The following ST6GAL2 variants were observed in gnomAD, a reference collection of about 807,000 sequenced individuals.
ST6GAL2 encodes the protein ST6 beta-galactoside alpha-2,6-sialyltransferase 2, also known as beta-galactoside alpha-2,6-sialyltransferase 2.
ST6GAL2 carries 24 observed loss-of-function variants against 37.5 expected under a neutral mutation model. That is an observed-to-expected ratio of 0.64 (90% CI 0.46 to 0.90). The LOEUF (loss-of-function observed/expected upper bound fraction) is 0.90. ST6GAL2 is among the 40% of genes least tolerant of loss of function. The pLI is 0.00. For missense variants in ST6GAL2, 715 were observed against 712.7 expected, an observed-to-expected ratio of 1.00 and a Z score of -0.04; for synonymous variants, 306 against 295.1, an observed-to-expected ratio of 1.04 and a Z score of -0.38.
intron 1 of ST6GAL2, among the ~76,000 whole-genome samples, chr2:106,869,948 C>T (rs1297481721): frequency 1.3e-5 from 2 of 152,184 alleles, no homozygotes; most frequent in Admixed American, 6.5e-5. Context: ...GTGGAGACTG[C>T]GATGAGGCTA....
intron 5 of ST6GAL2, among the ~76,000 whole-genome samples, chr2:106,809,177 T>C (rs150583570): frequency 2.8e-4 from 43 of 152,372 alleles, no homozygotes; most frequent in Non-Finnish European, 3.8e-4. Flanking sequence ...CTGCCCAGCA[T>C]TGGGGGCTCC....
At chr2:106,884,351 T>G (rs1678872785) in intron 1 of ST6GAL2, among the ~76,000 whole-genome samples, 1 of 152,208 alleles carries the variant, frequency 6.6e-6, no homozygotes, top group Non-Finnish European at 1.5e-5. Flanking sequence ...AAATGTTAAA[T>G]TGTCTCAACT....
chr2:106,824,621 G>C (rs1268324399), intron 5 of ST6GAL2, among the ~76,000 whole-genome samples: 1 of 152,172 alleles, frequency 6.6e-6, no homozygotes, highest in Non-Finnish European at 1.5e-5. Context: ...GACAGAGTGA[G>C]AGTCCGTCTC....
At chr2:106,867,309 G>A (rs1168103392) in intron 1 of ST6GAL2, among the ~76,000 whole-genome samples, 1 of 152,116 alleles carries the variant, frequency 6.6e-6, no homozygotes, top group African/African-American at 2.4e-5. Flanking sequence ...TAAACAACAC[G>A]GCTCTTCAGT....
intron 1 of ST6GAL2, among the ~76,000 whole-genome samples, chr2:106,875,971 C>A (rs556725455): frequency 6.6e-6 from 1 of 152,178 alleles, no homozygotes; most frequent in Admixed American, 6.5e-5. Context: ...TAGTAGATTT[C>A]TTTTTTTGTA....
At chr2:106,828,592 C>T (rs1676292617) in intron 5 of ST6GAL2, among the ~76,000 whole-genome samples, 1 of 152,144 alleles carries the variant, frequency 6.6e-6, no homozygotes, top group African/African-American at 2.4e-5. Context: ...CTAAAATCTG[C>T]AAGCTTCAAT....
chr2:106,835,402 C>T (rs1337562424), intron 2 of ST6GAL2, among the ~76,000 whole-genome samples: 1 of 152,320 alleles, frequency 6.6e-6, no homozygotes, highest in South Asian at 2.1e-4. Flanking sequence ...CAGAAACTCA[C>T]CATGCATGCC....
chr2:106,870,116 A>C (rs1678203175), intron 1 of ST6GAL2, among the ~76,000 whole-genome samples: 1 of 152,146 alleles, frequency 6.6e-6, no homozygotes, highest in Admixed American at 6.5e-5. Context: ...GGGGCGCTAC[A>C]GTCTGCTGCT....
At chr2:106,813,719 C>G (rs1175087193) in intron 5 of ST6GAL2, among the ~76,000 whole-genome samples, 2 of 152,152 alleles carry the variant, frequency 1.3e-5, no homozygotes, top group Non-Finnish European at 1.5e-5. Context: ...AAAATGAGCT[C>G]TGGATATAAA....
intron 3 of ST6GAL2, 126 bp downstream of exon 3, chr2:106,833,923 A>G (rs1375804792): frequency 1.3e-5 from 8 of 592,744 alleles, no homozygotes; most frequent in Non-Finnish European, 2.4e-5. Flanking sequence ...GATAGAAATA[A>G]ACAAGTACCA....
intron 1 of ST6GAL2, among the ~76,000 whole-genome samples, chr2:106,873,771 T>C (rs1678379859): frequency 6.6e-6 from 1 of 152,218 alleles, no homozygotes; most frequent in South Asian, 2.1e-4. Context: ...TTTCCTAACA[T>C]TGCTAGTAAA....
chr2:106,802,465 G>T lies in ST6GAL2; in HGVS notation c.*4213C>A, dbSNP rs555024185. 6.6e-6 allele frequency: 1 copy of T among 151,954 alleles called. No individual in the cohort carries two copies. 9.4% of individuals were successfully genotyped at this position (151,954 alleles called of 1,614,324 possible). On this transcript the variant is annotated 3_prime_UTR_variant, in exon 6 of 6. Transcript: ENST00000409382. ...ACATTACTTTTTTTTTAACCAAAAGGCTTCATTCATTTAATAAAACAAGAA... is the reference window on the plus strand; with the variant it reads ...ACATTACTTTTTTTTTAACCAAAAGTCTTCATTCATTTAATAAAACAAGAA...
chr2:106,812,941 C>A, intron 5 of ST6GAL2: 1 of 852,836 alleles, frequency 1.2e-6, no homozygotes, highest in Non-Finnish European at 1.5e-6. Flanking sequence ...AAAAAATTAA[C>A]AACTTTATCA....
At chr2:106,864,198 CT>C (rs1677927404) in intron 1 of ST6GAL2, among the ~76,000 whole-genome samples, 1 of 152,190 alleles carries the variant, frequency 6.6e-6, no homozygotes, top group Non-Finnish European at 1.5e-5. Flanking sequence ...TTCTTGTTAC[CT>C]CTACCAAAAC....
chr2:106,849,602 C>A (rs1270614044), intron 1 of ST6GAL2, among the ~76,000 whole-genome samples: 3 of 152,166 alleles, frequency 2.0e-5, no homozygotes, highest in African/African-American at 7.2e-5. Flanking sequence ...ATGCAGCCTA[C>A]CTTTCCCCTT....
chr2:106,830,238 CCACTAA>C lies in ST6GAL2; in HGVS notation c.1144-4_1145del. On this transcript the variant is annotated splice_acceptor_variant and splice_polypyrimidine_tract_variant and coding_sequence_variant and intron_variant, in exon 5 of 6. Coordinates refer to ENST00000409382, the MANE Select transcript of ST6GAL2 (RefSeq NM_001142351.2). LOFTEE classifies it high-confidence loss of function. ...ACAGGTTGTAATCCGGTTTTTTGTA[CCACTAA>C]GGAAAAAAAAATCAATGCAGTCAAG... 1 of 1,603,658 alleles carries C rather than the reference CCACTAA, an allele frequency of 6.2e-7. No homozygotes were observed.
chr2:106,826,991 G>A (rs1175640823), intron 5 of ST6GAL2, among the ~76,000 whole-genome samples: 3 of 152,168 alleles, frequency 2.0e-5, no homozygotes, highest in African/African-American at 7.2e-5. Flanking sequence ...CTGCTGACCG[G>A]TGTACCCAGA....
chr2:106,860,659 A>G (rs1314956894), intron 1 of ST6GAL2, among the ~76,000 whole-genome samples: 2 of 152,086 alleles, frequency 1.3e-5, no homozygotes, highest in Admixed American at 1.3e-4. Flanking sequence ...CTCCATATCC[A>G]TTGTGATATG....
At chr2:106,820,055 G>T (rs908807465) in intron 5 of ST6GAL2, among the ~76,000 whole-genome samples, 1 of 151,790 alleles carries the variant, frequency 6.6e-6, no homozygotes, top group Admixed American at 6.6e-5. Flanking sequence ...AGGAAGGAAA[G>T]AAGAAAGAGG....
Sources: allele counts gnomAD v4.1 joint callset (sites outside exome capture counted in the v4.1 genomes callset), GRCh38; gene constraint gnomAD v4.1.1; transcripts MANE v1.5; gene names NCBI Gene and HGNC (gene_info 2026-07-23, HGNC 2026-07-21).